Variants in CCDC88A observed in about 807,000 individuals in gnomAD.
CCDC88A encodes the protein girdin.
Under a neutral mutation model 234.3 loss-of-function variants are expected in CCDC88A, and 54 were observed. That is an observed-to-expected ratio of 0.23 (90% CI 0.19 to 0.29). The LOEUF is 0.29. Ranked by LOEUF, CCDC88A falls within the 10% of genes least tolerant of loss-of-function variation. CCDC88A has a pLI of 1.00. For missense variants in CCDC88A, 1,832 were observed against 2,123.4 expected (o/e 0.86, Z 2.70); for synonymous variants, 753 against 737.8 (o/e 1.02, Z -0.33).
At chr2:55,304,266 C>G (rs1024596459) in intron 25 of CCDC88A, among the ~76,000 whole-genome samples, 4 of 152,132 alleles carry the variant, frequency 2.6e-5, no homozygotes, top group African/African-American at 9.7e-5. Context: ...CCACTGCACT[C>G]CAGCCTGGGT....
chr2:55,346,184 T>C lies in CCDC88A; in HGVS notation c.1032A>G (p.Ala344=). 1 of 1,601,616 alleles carries C rather than the reference T, an allele frequency of 6.2e-7. No individual in the cohort carries two copies. The highest frequency in any genetic ancestry group is 8.5e-7 in the Non-Finnish European group (1 of 1,173,864). The change falls in exon 10 of 33, where the codon GCA becomes GCG. Residue 344 remains alanine, a synonymous_variant. Transcript: ENST00000436346. ...ERLHDIEFYK[A]RVEELKEDNQ... ...TAATTATGCAACATACCTCAACTCT[T>C]GCCTTATAAAATTCAATATCATGTA...
At chr2:55,351,097 T>G (rs764559419) in intron 8 of CCDC88A, among the ~76,000 whole-genome samples, 2 of 152,200 alleles carry the variant, frequency 1.3e-5, no homozygotes, top group African/African-American at 2.4e-5. Flanking sequence ...TATTTCAGGA[T>G]AGTTTTCTTT....
chr2:55,310,645 G>C (rs944910307), intron 23 of CCDC88A, among the ~76,000 whole-genome samples: 1 of 152,142 alleles, frequency 6.6e-6, no homozygotes, highest in Non-Finnish European at 1.5e-5. Context: ...ATTTGAGAGG[G>C]AAGGCTGAAT....
chr2:55,386,611 A>G (rs1191041998), intron 3 of CCDC88A, among the ~76,000 whole-genome samples: 1 of 151,832 alleles, frequency 6.6e-6, no homozygotes, highest in East Asian at 2.0e-4. Flanking sequence ...AGCTGAGATT[A>G]CAGGTGCCCA....
intron 10 of CCDC88A, chr2:55,345,961 C>A: frequency 2.6e-6 from 1 of 383,842 alleles, no homozygotes; most frequent in Non-Finnish European, 4.6e-6. Context: ...AAGAAGAACC[C>A]CAGAGTTCAA....
chr2:55,356,824 C>T (rs200169750), intron 7 of CCDC88A: 2 of 152,020 alleles, frequency 1.3e-5, no homozygotes. Flanking sequence ...CTCAGCTACC[C>T]GGGAGGCTGA....
rs915799034 is a variant in CCDC88A, at chr2:55,307,710, A to G, written c.4387+1099T>C. 2.8e-5 allele frequency among the ~76,000 whole-genome samples: 4 copies of G among 144,128 alleles called. No individual in the cohort carries two copies. In the East Asian group the frequency reaches 7.8e-4, roughly 28 times the overall value. 94.6% of individuals were successfully genotyped at this position (144,128 alleles called of 152,430 possible). On this transcript the variant is annotated intron_variant, in intron 25 of 32. Coordinates refer to ENST00000436346, the MANE Select transcript of CCDC88A (RefSeq NM_001365480.1). ...CACTATGTTGCCCAGGCTGGTCTTG[A>G]ACTCCTGGCCTCATGTGATCCTGCT...
At chr2:55,413,325 G>A (rs1680808116) in intron 2 of CCDC88A, among the ~76,000 whole-genome samples, 1 of 152,180 alleles carries the variant, frequency 6.6e-6, no homozygotes, top group Admixed American at 6.5e-5. Flanking sequence ...AACCAGCACT[G>A]GGGATATAGT....
chr2:55,318,368 G>A (rs536131887), intron 19 of CCDC88A, among the ~76,000 whole-genome samples: 2 of 152,208 alleles, frequency 1.3e-5, no homozygotes, highest in South Asian at 4.1e-4. Context: ...CTCTTTAAGA[G>A]CTTTCAGAGT....
intron 2 of CCDC88A, among the ~76,000 whole-genome samples, chr2:55,392,302 T>G (rs1676781445): frequency 6.6e-6 from 1 of 152,226 alleles, no homozygotes; most frequent in Non-Finnish European, 1.5e-5. Flanking sequence ...CAAATTTATC[T>G]TAACCATTCC....
At chr2:55,410,246 T>A (rs1456552007) in intron 2 of CCDC88A, among the ~76,000 whole-genome samples, 1 of 152,192 alleles carries the variant, frequency 6.6e-6, no homozygotes, top group Non-Finnish European at 1.5e-5. Flanking sequence ...TGTGCGTGCA[T>A]GCAAGGTGTT....
chr2:55,344,282 G>T, intron 11 of CCDC88A, 86 bp downstream of exon 11: 1 of 875,928 alleles, frequency 1.1e-6, no homozygotes, highest in Non-Finnish European at 1.7e-6. Flanking sequence ...AAGGACACTA[G>T]CCATCCTTGC....
At chr2:55,305,667 G>A (rs569549404) in intron 25 of CCDC88A, among the ~76,000 whole-genome samples, 2 of 152,160 alleles carry the variant, frequency 1.3e-5, no homozygotes, top group Non-Finnish European at 2.9e-5. Flanking sequence ...GGCTTAATAA[G>A]TGAGACCCTG....
intron 16 of CCDC88A, chr2:55,330,102 C>T (rs190432051): frequency 2.0e-5 from 3 of 151,842 alleles, no homozygotes; most frequent in Non-Finnish European, 4.4e-5. Context: ...TTTACTTATA[C>T]ATTCGATTCC....
intron 29 of CCDC88A, 63 bp from the exon 30 acceptor site, chr2:55,296,586 A>G: frequency 1.3e-6 from 2 of 1,486,644 alleles, no homozygotes; most frequent in Non-Finnish European, 9.2e-7. Context: ...CTTCATGAGT[A>G]ATAACATTTG....
chr2:55,339,965 G>A (rs987105456), intron 12 of CCDC88A: 9 of 190,656 alleles, frequency 4.7e-5, no homozygotes, highest in Non-Finnish European at 7.4e-5. Context: ...CCAAGCGGCC[G>A]GGACTGCAGG....
Position 55,288,457 on chromosome 2 carries a change from G to A in CCDC88A, c.*2743C>T, listed in dbSNP as rs114400021. On this transcript the variant is annotated 3_prime_UTR_variant, in exon 33 of 33. Transcript: ENST00000436346. ...ACTCCCCATTGTAATTCCAGATTTG[G>A]TACAGTATCTTTTTCATTTCCTGAC... 559 of 152,704 alleles carry A rather than the reference G, an allele frequency of 3.7e-3. 2 individuals are homozygous for A. The highest frequency in any genetic ancestry group is 4.4e-3 in the Non-Finnish European group (299 of 68,032). The allele number at this position is 152,704 out of a possible 1,614,324, so 9.5% of individuals were successfully genotyped here.
chr2:55,328,708 A>G lies in CCDC88A; in HGVS notation c.2856-273T>C, dbSNP rs1054955457. 13 of 227,150 alleles carry G rather than the reference A, an allele frequency of 5.7e-5. No individual in the cohort carries two copies. Among genetic ancestry groups the G allele is most frequent in the Admixed American group, 3.5e-4 (6 of 17,336 alleles). The allele number at this position is 227,150 out of a possible 1,614,324, so 14.1% of individuals were successfully genotyped here. On this transcript the variant is annotated intron_variant, in intron 16 of 32. Transcript: ENST00000436346. The surrounding 1 kb of genome is among the most constrained non-coding windows in gnomAD (Gnocchi z 4.3). ...TAATTCTCAAGGAACCCGGAAGACCAAAGTCCCAAAATATCCTTTTTATTA... is the reference window on the plus strand; with the variant it reads ...TAATTCTCAAGGAACCCGGAAGACCGAAGTCCCAAAATATCCTTTTTATTA...
rs1246979367 is a variant in CCDC88A, at chr2:55,355,689, A to G, written c.690T>C (p.Ser230=). The change falls in exon 8 of 33, where the codon TCT becomes TCC. Residue 230 remains serine, a synonymous_variant. Transcript: ENST00000436346. ...GLHFLPHASS[S]AQSPCGSPGM... ...CTGGAGAACCACAGGGTGACTGTGCAGATGAAGAGGCATGGGGTAGAAAAT... is the reference window on the plus strand; with the variant it reads ...CTGGAGAACCACAGGGTGACTGTGCGGATGAAGAGGCATGGGGTAGAAAAT... 24 of 1,613,962 alleles carry G rather than the reference A, an allele frequency of 1.5e-5. No homozygotes were observed. Among genetic ancestry groups the G allele is most frequent in the Non-Finnish European group, 1.9e-5 (23 of 1,179,924 alleles).
Sources: gnomAD v4.1 joint callset for allele counts (sites outside exome capture counted in the v4.1 genomes callset) on GRCh38, gnomAD v4.1.1 for gene constraint, Gnocchi (gnomAD v3.1) non-coding constraint, MANE v1.5 for transcripts, NCBI Gene and HGNC (gene_info 2026-07-23, HGNC 2026-07-21) for gene names.